Variants in UGGT2 observed in about 807,000 individuals in gnomAD.
UGGT2 encodes UDP-glucose:glycoprotein glucosyltransferase 2.
Under a neutral mutation model 192.1 loss-of-function variants are expected in UGGT2, and 180 were observed. The observed-to-expected ratio is 0.94, with a 90% CI of 0.83 to 1.06. The LOEUF (loss-of-function observed/expected upper bound fraction) is 1.06, where lower values mean the gene tolerates loss of function less well. Among genes scored for constraint, UGGT2 ranks in the 50% least tolerant of loss-of-function variants. The probability of loss-of-function intolerance (pLI) is 0.00; values close to 1 mark genes in which losing one functional copy is unlikely to be tolerated. For synonymous variants in UGGT2, 580 were observed against 591.0 expected (o/e 0.98, Z 0.27); for missense variants, 1,849 against 1,795.7 (o/e 1.03, Z -0.54).
chr13:95,904,754 A>G (rs532541394), intron 20 of UGGT2, among the ~76,000 whole-genome samples: 5 of 152,226 alleles, frequency 3.3e-5, no homozygotes, highest in South Asian at 2.1e-4. Context: ...CGCAATAAAC[A>G]TATGTGTGCA....
rs1266699753 is a variant in UGGT2, at chr13:95,911,924, G to A, written c.2296-8864C>T. Among the ~76,000 whole-genome samples, 3 of 136,642 alleles carry A rather than the reference G, an allele frequency of 2.2e-5. No individual in the cohort carries two copies. In the East Asian group the frequency reaches 7.9e-4, roughly 36 times the overall value. The allele number at this position is 136,642 out of a possible 152,430, so 89.6% of individuals were successfully genotyped here. The stretch of plus-strand genomic sequence containing the variant: ...GGCTTCATCCCTGGGATGCAAGACT[G>A]GTTCAACATATGCAAATCAATAAAT... On this transcript the variant is annotated intron_variant, in intron 20 of 38. Coordinates refer to ENST00000376747, the MANE Select transcript of UGGT2 (RefSeq NM_020121.4).
At chr13:95,880,272 A>AT (rs1465009814) in intron 27 of UGGT2, among the ~76,000 whole-genome samples, 1 of 152,172 alleles carries the variant, frequency 6.6e-6, no homozygotes. Flanking sequence ...ATTGAATGTG[A>AT]TTTTGTGTAA....
chr13:95,988,266 G>A (rs1401323343), intron 8 of UGGT2, among the ~76,000 whole-genome samples: 3 of 152,044 alleles, frequency 2.0e-5, no homozygotes, highest in Non-Finnish European at 4.4e-5. Context: ...TTTTCCTGTG[G>A]GGACTAATGT....
At chr13:96,038,936 A>T (rs1385600826) in intron 1 of UGGT2, among the ~76,000 whole-genome samples, 1 of 152,172 alleles carries the variant, frequency 6.6e-6, no homozygotes, top group Non-Finnish European at 1.5e-5. Flanking sequence ...TCCTGGGGTA[A>T]AATTCTCCCC....
intron 7 of UGGT2, among the ~76,000 whole-genome samples, chr13:95,992,312 C>T (rs986402126): frequency 2.0e-5 from 3 of 152,192 alleles, no homozygotes; most frequent in Non-Finnish European, 4.4e-5. Context: ...ATTCATTCTT[C>T]CAATCCATGA....
rs756507620 is a variant in UGGT2, at chr13:95,884,501, T to A, written c.3218A>T (p.His1073Leu). ...VHSNCDLDNI[H>L]LKDTEKTVTA... ...TACACAATAACTTACATCCTTTAAG[T>A]GAATATTATCAAGGTCACAGTTGCT... The change falls in exon 27 of 39, where the codon CAC (histidine) becomes CTC (leucine). Residue 1073 changes from histidine to leucine, a missense_variant. Coordinates refer to ENST00000376747, the MANE Select transcript of UGGT2 (RefSeq NM_020121.4). 1.9e-6 allele frequency: 3 copies of A among 1,609,990 alleles called. No individual in the cohort carries two copies. The African/African-American group carries it at 4.0e-5, about 22-fold the overall frequency.
chr13:95,986,088 G>A (rs2051280834), intron 9 of UGGT2, among the ~76,000 whole-genome samples: 1 of 151,824 alleles, frequency 6.6e-6, no homozygotes, highest in South Asian at 2.1e-4. Flanking sequence ...AAATTTTTTA[G>A]GACTTTTTTT....
At chr13:95,864,822 T>G (rs1890498296) in intron 30 of UGGT2, among the ~76,000 whole-genome samples, 2 of 152,192 alleles carry the variant, frequency 1.3e-5, no homozygotes, top group South Asian at 4.1e-4. Flanking sequence ...TTTCTTGATC[T>G]TGATCTTCAT....
intron 4 of UGGT2, among the ~76,000 whole-genome samples, chr13:96,013,981 ACTT>A (rs983000347): frequency 1.3e-5 from 2 of 152,136 alleles, no homozygotes; most frequent in South Asian, 2.1e-4. Context: ...ACTTTAACTG[ACTT>A]CTTATTTGCC....
At chr13:96,050,040 G>A (rs1407434914) in intron 1 of UGGT2, among the ~76,000 whole-genome samples, 3 of 152,138 alleles carry the variant, frequency 2.0e-5, no homozygotes, top group Non-Finnish European at 4.4e-5. Flanking sequence ...TAAGCAAAAA[G>A]AACAAAGCTG....
intron 4 of UGGT2, among the ~76,000 whole-genome samples, chr13:96,019,530 G>T (rs2052452795): frequency 6.6e-6 from 1 of 152,090 alleles, no homozygotes; most frequent in East Asian, 1.9e-4. Context: ...AGCAGTCAGG[G>T]CCTCACACGG....
At chr13:95,881,448 A>G (rs1308965301) in intron 27 of UGGT2, among the ~76,000 whole-genome samples, 1 of 152,184 alleles carries the variant, frequency 6.6e-6, no homozygotes, top group Non-Finnish European at 1.5e-5. Context: ...TGAGACATAA[A>G]TTTCATATAT....
chr13:96,050,711 A>C (rs768630592), intron 1 of UGGT2, among the ~76,000 whole-genome samples: 10 of 152,198 alleles, frequency 6.6e-5, no homozygotes, highest in African/African-American at 2.2e-4. Context: ...CATTTATGCA[A>C]CCAACAGACA....
intron 10 of UGGT2, among the ~76,000 whole-genome samples, chr13:95,974,774 A>T (rs1236698803): frequency 6.6e-6 from 1 of 152,196 alleles, no homozygotes; most frequent in Admixed American, 6.5e-5. Flanking sequence ...AAGTATCAAA[A>T]TGCTAGATTT....
At chr13:95,835,290 T>A (rs1206363196) in intron 37 of UGGT2, among the ~76,000 whole-genome samples, 1 of 152,164 alleles carries the variant, frequency 6.6e-6, no homozygotes, top group East Asian at 1.9e-4. Flanking sequence ...GATATCCACT[T>A]AGGTCTGCTG....
In UGGT2 at chr13:95,986,365, TTTCA is replaced by T; in HGVS notation, c.995_998del (p.Met332LysfsTer9). ...TTATGGGGAAGTTCTGTGAAATGTC[TTTCA>T]TTAATTTAATGGAATCATAAACTGG... On this transcript the variant is annotated frameshift_variant, in exon 9 of 39. Coordinates refer to ENST00000376747, the MANE Select transcript of UGGT2 (RefSeq NM_020121.4). LOFTEE classifies it high-confidence loss of function. 1 of 1,604,804 alleles carries T rather than the reference TTTCA, an allele frequency of 6.2e-7. No individual in the cohort carries two copies. Among genetic ancestry groups the T allele is most frequent in the Non-Finnish European group, 8.5e-7 (1 of 1,173,254 alleles).
At chr13:96,023,515 G>T in intron 3 of UGGT2, 114 bp downstream of exon 3, 1 of 1,111,744 alleles carries the variant, frequency 9.0e-7, no homozygotes, top group Non-Finnish European at 1.2e-6. Flanking sequence ...ATAGGCTATG[G>T]AACCAACTAT....
intron 36 of UGGT2, among the ~76,000 whole-genome samples, chr13:95,846,547 A>AT (rs1188268425): frequency 6.6e-6 from 1 of 152,184 alleles, no homozygotes; most frequent in East Asian, 1.9e-4. Context: ...TTCCTTTCTT[A>AT]TAATATCTTT....
chr13:95,975,395 C>T (rs1206666836), intron 10 of UGGT2, among the ~76,000 whole-genome samples: 4 of 152,128 alleles, frequency 2.6e-5, no homozygotes, highest in Non-Finnish European at 5.9e-5. Context: ...AATTTGTCTA[C>T]CTCACCTTGG....
Sources: gnomAD v4.1 joint callset for allele counts (sites outside exome capture counted in the v4.1 genomes callset) on GRCh38, gnomAD v4.1.1 for gene constraint, MANE v1.5 for transcripts, NCBI Gene and HGNC (gene_info 2026-07-23, HGNC 2026-07-21) for gene names.